The following NKAIN3 variants were observed in gnomAD, a reference collection of about 807,000 sequenced individuals.
NKAIN3 encodes the protein sodium/potassium-transporting ATPase subunit beta-1-interacting protein 3.
In NKAIN3, 25 loss-of-function variants were observed where a neutral mutation model predicts 30.2. The ratio of observed to expected loss-of-function variants is 0.83; its 90% CI spans 0.60 to 1.16. The LOEUF is 1.16. NKAIN3 is among the 50% of genes most tolerant of loss of function. The pLI, the probability that NKAIN3 is intolerant of heterozygous loss-of-function variation, is 0.00. For missense variants in NKAIN3, 225 were observed against 254.1 expected (o/e 0.89, Z 0.78); for synonymous variants, 91 against 89.6 (o/e 1.02, Z -0.09).
chr8:62,309,665 G>T (rs1235833267), intron 1 of NKAIN3, among the ~76,000 whole-genome samples: 2 of 150,134 alleles, frequency 1.3e-5, no homozygotes, highest in Admixed American at 6.6e-5. Context: ...TCTAGTGTGT[G>T]TTTCTATGAT....
intron 1 of NKAIN3, among the ~76,000 whole-genome samples, chr8:62,262,032 C>A (rs1812458216): frequency 6.6e-6 from 1 of 151,888 alleles, no homozygotes; most frequent in Admixed American, 6.6e-5. Flanking sequence ...ATTGTGACTG[C>A]ATTAAAAAAA....
At chr8:62,822,830 C>T (rs1044438598) in intron 4 of NKAIN3, among the ~76,000 whole-genome samples, 1 of 152,164 alleles carries the variant, frequency 6.6e-6, no homozygotes, top group Admixed American at 6.5e-5. Context: ...GTGTGAACAT[C>T]ACAGAATGTA....
chr8:62,273,481 T>A (rs1467742679), intron 1 of NKAIN3, among the ~76,000 whole-genome samples: 2 of 152,168 alleles, frequency 1.3e-5, no homozygotes, highest in Non-Finnish European at 2.9e-5. Flanking sequence ...ATACAATTGA[T>A]AAACATGTTT....
chr8:62,652,703 CT>C (rs1451129742), intron 3 of NKAIN3, among the ~76,000 whole-genome samples: 1 of 152,208 alleles, frequency 6.6e-6, no homozygotes, highest in African/African-American at 2.4e-5. Flanking sequence ...AGCTTTACGA[CT>C]GCACTTTTTA....
rs576682936 is a variant in NKAIN3, at chr8:62,450,042, G to A, written c.55-129497G>A. 3.9e-5 allele frequency among the ~76,000 whole-genome samples: 6 copies of A among 152,204 alleles called. No individual in the cohort carries two copies. The South Asian group carries it at 8.3e-4, about 21-fold the overall frequency. On this transcript the variant is annotated intron_variant, in intron 1 of 6. Coordinates refer to ENST00000623646, the MANE Select transcript of NKAIN3 (RefSeq NM_001304533.3). ...AAATATTTTCTGCTATTATGATTAA[G>A]TAAGCTAAAGAAAGTTATAGCTTTT...
rs1156556079 is a variant in NKAIN3, at chr8:62,579,679, A to G, written c.192+3A>G. On this transcript the variant is annotated splice_donor_region_variant and intron_variant, in intron 2 of 6. Coordinates refer to ENST00000623646, the MANE Select transcript of NKAIN3 (RefSeq NM_001304533.3). ...ACAGACCTCGATACATAATGGTGGTAAGTCTTATTTTTATCATTTTGCTTC... is the reference window on the plus strand; with the variant it reads ...ACAGACCTCGATACATAATGGTGGTGAGTCTTATTTTTATCATTTTGCTTC... 6.9e-7 allele frequency: 1 copy of G among 1,456,874 alleles called. No individual in the cohort carries two copies. 90.2% of individuals were successfully genotyped at this position (1,456,874 alleles called of 1,614,324 possible).
chr8:62,920,147 G>A (rs1056897408), intron 5 of NKAIN3, among the ~76,000 whole-genome samples: 1 of 152,104 alleles, frequency 6.6e-6, no homozygotes, highest in Non-Finnish European at 1.5e-5. Flanking sequence ...AATATTAACT[G>A]GAATTTCAAC....
At chr8:62,989,557 C>T (rs1440182176), downstream of NKAIN3, among the ~76,000 whole-genome samples, 2 of 152,068 alleles carry the variant, frequency 1.3e-5, no homozygotes, top group African/African-American at 4.8e-5. Context: ...CTATAACTCC[C>T]ACAACATGTG....
At chr8:62,574,537 A>G (rs549719293) in intron 1 of NKAIN3, among the ~76,000 whole-genome samples, 1 of 152,276 alleles carries the variant, frequency 6.6e-6, no homozygotes, top group East Asian at 1.9e-4. Context: ...CTACAGAGCT[A>G]TAGTAACTGA....
At chr8:62,551,221 A>T (rs929955289) in intron 1 of NKAIN3, among the ~76,000 whole-genome samples, 7 of 152,160 alleles carry the variant, frequency 4.6e-5, no homozygotes, top group Non-Finnish European at 7.3e-5. Context: ...CTAAGTAGAT[A>T]AGAGGGAATG....
intron 4 of NKAIN3, among the ~76,000 whole-genome samples, chr8:62,884,724 T>C (rs1367584875): frequency 2.6e-5 from 4 of 152,204 alleles, no homozygotes; most frequent in African/African-American, 9.6e-5. Context: ...TTGGCAGACA[T>C]GTCTTTCAAG....
intron 1 of NKAIN3, among the ~76,000 whole-genome samples, chr8:62,345,394 CAT>C (rs752762054): frequency 8.8e-4 from 10 of 11,368 alleles, no homozygotes; most frequent in African/African-American, 2.3e-3. Flanking sequence ...TATATACACA[CAT>C]ATACACATAT....
chr8:62,969,058 A>G lies in NKAIN3; in HGVS notation c.*3651A>G, dbSNP rs1231501894. Among the ~76,000 whole-genome samples, 1 of 152,226 alleles carries G rather than the reference A, an allele frequency of 6.6e-6. No individual in the cohort carries two copies. The highest frequency in any genetic ancestry group is 1.5e-5 in the Non-Finnish European group (1 of 68,040). On this transcript the variant is annotated 3_prime_UTR_variant, in exon 7 of 7. Transcript: ENST00000623646. ...TAAAGTGAGGGTATGTGTCCCTCAA[A>G]TGAGAAAAATGAAAACACACTTTCT... is the stretch of plus-strand genomic sequence containing the variant.
intron 6 of NKAIN3, among the ~76,000 whole-genome samples, chr8:62,958,408 A>G (rs1183239461): frequency 6.6e-6 from 1 of 152,046 alleles, no homozygotes; most frequent in African/African-American, 2.4e-5. Flanking sequence ...GGGAGGTATA[A>G]GTCTCACCAT....
intron 2 of NKAIN3, among the ~76,000 whole-genome samples, chr8:62,584,981 C>T (rs1810425452): frequency 6.6e-6 from 1 of 152,170 alleles, no homozygotes; most frequent in African/African-American, 2.4e-5. Flanking sequence ...ATTAGATATG[C>T]TTAATACTTG....
chr8:62,856,954 G>A lies in NKAIN3; in HGVS notation c.472-61499G>A, dbSNP rs370076158. 478 of 558,138 alleles carry A rather than the reference G, an allele frequency of 8.6e-4. 7 individuals carry two copies. The highest frequency in any genetic ancestry group is 7.3e-3 in the South Asian group (470 of 63,970). 34.6% of individuals were successfully genotyped at this position (558,138 alleles called of 1,614,324 possible). ...CTGAGATTCAAACATAGCCCTGGAG[G>A]CATCAACAAAAAAAAAACAAACTAT... is the stretch of plus-strand genomic sequence containing the variant. On this transcript the variant is annotated intron_variant, in intron 4 of 6. Coordinates refer to ENST00000623646, the MANE Select transcript of NKAIN3 (RefSeq NM_001304533.3).
chr8:62,401,611 G>A (rs1484103322), intron 1 of NKAIN3, among the ~76,000 whole-genome samples: 7 of 152,216 alleles, frequency 4.6e-5, no homozygotes, highest in African/African-American at 1.7e-4. Flanking sequence ...TTTTATCTAA[G>A]TTTTTGGTTA....
chr8:62,591,148 A>G (rs190099140), intron 3 of NKAIN3, among the ~76,000 whole-genome samples: 5 of 151,862 alleles, frequency 3.3e-5, no homozygotes, highest in African/African-American at 1.2e-4. Flanking sequence ...CATTTTAATC[A>G]TATTTTTTAT....
At chr8:62,596,038 T>C (rs1336806630) in intron 3 of NKAIN3, among the ~76,000 whole-genome samples, 1 of 152,084 alleles carries the variant, frequency 6.6e-6, no homozygotes, top group African/African-American at 2.4e-5. Flanking sequence ...GACTATATGC[T>C]TGATAGTTTT....
Sources: gnomAD v4.1 joint callset for allele counts (sites outside exome capture counted in the v4.1 genomes callset) on GRCh38, gnomAD v4.1.1 for gene constraint, MANE v1.5 for transcripts, NCBI Gene and HGNC (gene_info 2026-07-23, HGNC 2026-07-21) for gene names.